ZEB2: variants seen among roughly 807,000 people sequenced by gnomAD.
ZEB2 encodes zinc finger E-box-binding homeobox 2.
A neutral mutation model predicts 99.9 loss-of-function variants in ZEB2; 6 were observed. That is an observed-to-expected ratio of 0.06 (90% CI 0.03 to 0.12). The LOEUF (loss-of-function observed/expected upper bound fraction) is 0.12. Among genes scored for constraint, ZEB2 ranks in the 10% least tolerant of loss-of-function variants. ZEB2 has a pLI of 1.00. For missense variants in ZEB2, 969 were observed against 1,502.8 expected, an observed-to-expected ratio of 0.64 and a Z score of 5.87; for synonymous variants, 517 against 542.5, an observed-to-expected ratio of 0.95 and a Z score of 0.65.
intron 4 of ZEB2, among the ~76,000 whole-genome samples, chr2:144,415,583 T>C (rs972819766): frequency 1.3e-5 from 2 of 152,240 alleles, no homozygotes; most frequent in Non-Finnish European, 2.9e-5. Context: ...CCATTCCTGC[T>C]TTCATTTGTT....
intron 2 of ZEB2, among the ~76,000 whole-genome samples, chr2:144,450,833 G>A (rs533058416): frequency 3.7e-4 from 56 of 152,172 alleles, no homozygotes; most frequent in African/African-American, 1.3e-3. Flanking sequence ...CCACCACCAC[G>A]CCTGGTTAAT....
At chr2:144,505,485 G>GT (rs1704940900) in intron 2 of ZEB2, among the ~76,000 whole-genome samples, 1 of 152,154 alleles carries the variant, frequency 6.6e-6, no homozygotes, top group Admixed American at 6.5e-5. Flanking sequence ...TAAGATTTGG[G>GT]GAGTATCAAC....
At chr2:144,440,515 ATT>A (rs201944188) in intron 2 of ZEB2, among the ~76,000 whole-genome samples, 16 of 32,824 alleles carry the variant, frequency 4.9e-4, no homozygotes, top group African/African-American at 9.5e-4. Context: ...ATATATATAT[ATT>A]TTTTTTTTTT....
intron 4 of ZEB2, among the ~76,000 whole-genome samples, chr2:144,419,583 C>T (rs187211387): frequency 3.2e-4 from 48 of 152,270 alleles, no homozygotes; most frequent in East Asian, 2.5e-3. Flanking sequence ...ACTACTAGCA[C>T]GTAGGCAAAC....
intron 4 of ZEB2, among the ~76,000 whole-genome samples, chr2:144,417,692 G>A (rs547679006): frequency 2.0e-5 from 3 of 152,272 alleles, no homozygotes; most frequent in Admixed American, 6.5e-5. Context: ...GAGAGTAGGG[G>A]GAAGGGTGAA....
chr2:144,389,412 C>A lies in ZEB2; in HGVS notation c.*39G>T. 1 of 1,610,770 alleles carries A rather than the reference C, an allele frequency of 6.2e-7. No homozygotes were observed. Among genetic ancestry groups the A allele is most frequent in the Non-Finnish European group, 8.5e-7 (1 of 1,177,176 alleles). On this transcript the variant is annotated 3_prime_UTR_variant, in exon 10 of 10. Coordinates refer to ENST00000627532, the MANE Select transcript of ZEB2 (RefSeq NM_014795.4). The surrounding 1 kb of genome is among the most constrained non-coding windows in gnomAD (Gnocchi z 6.8). The stretch of plus-strand genomic sequence containing the variant: ...TGTTTTCAAGCAGGTAACAATACTA[C>A]TGGAAAAAAAAATAGGAAGCTTAAA...
intron 2 of ZEB2, among the ~76,000 whole-genome samples, chr2:144,498,488 C>T (rs979051421): frequency 3.3e-5 from 5 of 151,972 alleles, no homozygotes; most frequent in African/African-American, 1.2e-4. Context: ...CACCCACCCT[C>T]GCTGAAAGTG....
At chr2:144,489,078 T>C (rs769031688) in intron 2 of ZEB2, among the ~76,000 whole-genome samples, 24 of 152,310 alleles carry the variant, frequency 1.6e-4, no homozygotes, top group Middle Eastern at 3.4e-3. Context: ...ACTATGGGTG[T>C]ATTGTTGTTC....
At position 144,479,682 on chromosome 2, in the gene ZEB2, T is replaced by TGGGGG. The variant is rs140945730; in HGVS notation, c.73+37595_73+37596insCCCCC. On this transcript the variant is annotated intron_variant, in intron 2 of 9. Transcript: ENST00000627532. ...TAGTGAGTGTGTATGCTACTTTTTT[T>TGGGGG]TGGGGGGGGGGGCGGGGGGTGGACT... Among the ~76,000 whole-genome samples the TGGGGG allele has an allele frequency of 1.7e-3, 50 of 29,826 alleles. 1 individual carries two copies. The highest frequency in any genetic ancestry group is 2.7e-3 in the East Asian group (3 of 1,126). The allele number at this position is 29,826 out of a possible 152,430, so 19.6% of individuals were successfully genotyped here.
At chr2:144,390,091 T>TG (rs1353176190) in intron 9 of ZEB2, 63 bp from the exon 10 acceptor site, 3 of 1,549,934 alleles carry the variant, frequency 1.9e-6, no homozygotes, top group Admixed American at 1.7e-5. Context: ...TTTCCACTAA[T>TG]TCTGTACGCG....
chr2:144,517,340 G>A lies in ZEB2; in HGVS notation c.11C>T (p.Pro4Leu), dbSNP rs577362409. 1.2e-6 allele frequency: 2 copies of A among 1,613,560 alleles called. No individual in the cohort carries two copies. The highest frequency in any genetic ancestry group is 1.3e-5 in the African/African-American group (1 of 74,998). The change falls in exon 2 of 10, where the codon CCG (proline) becomes CTG (leucine). Residue 4 changes from proline (P) to leucine (L), a missense_variant. This residue lies in a region of ZEB2 where 173 missense variants were observed against 217.7 expected (regional missense o/e 0.79). Coordinates refer to ENST00000627532, the MANE Select transcript of ZEB2 (RefSeq NM_014795.4). Reference sequence around the variant, plus strand: ...GCACCGGGGGCCATCCGCCATGATCGGCTGCTTCATTGATAAGAGCGGATC... The same window carrying A: ...GCACCGGGGGCCATCCGCCATGATCAGCTGCTTCATTGATAAGAGCGGATC... MKQ[P>L]IMADGPRCKR...
At chr2:144,487,816 A>G (rs1573793644) in intron 2 of ZEB2, among the ~76,000 whole-genome samples, 1 of 152,242 alleles carries the variant, frequency 6.6e-6, no homozygotes, top group East Asian at 1.9e-4. Context: ...TATTCTGTGA[A>G]AAAGAACTAG....
intron 2 of ZEB2, chr2:144,463,491 T>C (rs1704224553): frequency 6.6e-6 from 1 of 152,058 alleles, no homozygotes; most frequent in Non-Finnish European, 1.5e-5. Flanking sequence ...TGAAATAAAA[T>C]AATATACACG....
In ZEB2 at chr2:144,389,326, T is replaced by C; in HGVS notation, c.*125A>G. ...TCTGTCTTGGCTGAACCGCCCCTTCTGTCCCTCTCTACAGCTTCCTGGAAG... is the reference window on the plus strand; with the variant it reads ...TCTGTCTTGGCTGAACCGCCCCTTCCGTCCCTCTCTACAGCTTCCTGGAAG... On this transcript the variant is annotated 3_prime_UTR_variant, in exon 10 of 10. Coordinates refer to ENST00000627532, the MANE Select transcript of ZEB2 (RefSeq NM_014795.4). The surrounding 1 kb of genome is among the most constrained non-coding windows in gnomAD (Gnocchi z 6.8). 2 of 1,163,700 alleles carry C rather than the reference T, an allele frequency of 1.7e-6. No homozygotes were observed. The highest frequency in any genetic ancestry group is 1.9e-4 in the Middle Eastern group (1 of 5,156). 72.1% of individuals were successfully genotyped at this position (1,163,700 alleles called of 1,614,324 possible).
intron 2 of ZEB2, among the ~76,000 whole-genome samples, chr2:144,465,266 C>T (rs1704255949): frequency 5.9e-5 from 9 of 152,038 alleles, no homozygotes; most frequent in Admixed American, 5.2e-4. Context: ...ATTTTACTTC[C>T]CTCATGTTTG....
In ZEB2 at chr2:144,497,981, A is replaced by ATT. The variant is rs1261920371; in HGVS notation, c.73+19296_73+19297insAA. Among the ~76,000 whole-genome samples, 2 of 6,050 alleles carry ATT rather than the reference A, an allele frequency of 3.3e-4. 1 individual carries two copies. Among genetic ancestry groups the ATT allele is most frequent in the Non-Finnish European group, 4.6e-4 (2 of 4,322 alleles). The allele number at this position is 6,050 out of a possible 152,430, so 4.0% of individuals were successfully genotyped here. On this transcript the variant is annotated intron_variant, in intron 2 of 9. Transcript: ENST00000627532. Reference sequence around the variant, plus strand: ...TATATATTAATATTATATATTATATAATATATTAATATTATATATTATATA... The same window carrying ATT: ...TATATATTAATATTATATATTATATATTATATATTAATATTATATATTATATA...
chr2:144,513,812 TG>T (rs751893722), intron 2 of ZEB2: 63 of 1,535,884 alleles, frequency 4.1e-5, no homozygotes, highest in Non-Finnish European at 5.4e-5. Flanking sequence ...GTGGAGATAG[TG>T]GGGTATAATC....
chr2:144,477,704 G>A (rs901696194), intron 2 of ZEB2, among the ~76,000 whole-genome samples: 5 of 152,156 alleles, frequency 3.3e-5, no homozygotes, highest in African/African-American at 2.4e-5. Flanking sequence ...TGTGAATACC[G>A]TGGTGGAGGT....
At chr2:144,413,384 C>G (rs1703491068) in intron 4 of ZEB2, among the ~76,000 whole-genome samples, 1 of 152,152 alleles carries the variant, frequency 6.6e-6, no homozygotes, top group South Asian at 2.1e-4. Context: ...GATAGCTGCT[C>G]CTAATCGCAA....
Sources: gnomAD v4.1 joint callset for allele counts (sites outside exome capture counted in the v4.1 genomes callset) on GRCh38, gnomAD v4.1.1 for gene constraint, gnomAD v4.1.1 regional missense constraint, Gnocchi (gnomAD v3.1) non-coding constraint, MANE v1.5 for transcripts, NCBI Gene and HGNC (gene_info 2026-07-23, HGNC 2026-07-21) for gene names.